Variants in STXBP4 observed in about 807,000 individuals in gnomAD.
The protein encoded by STXBP4 is syntaxin-binding protein 4.
STXBP4 carries 55 observed loss-of-function variants against 76.1 expected under a neutral mutation model. The ratio of observed to expected loss-of-function variants is 0.72; its 90% CI spans 0.58 to 0.91. The LOEUF is 0.91. Among genes scored for constraint, STXBP4 ranks in the 40% least tolerant of loss-of-function variants. The probability of loss-of-function intolerance (pLI) is 0.00; values close to 1 mark genes in which losing one functional copy is unlikely to be tolerated. For missense variants in STXBP4, 618 were observed against 636.9 expected (o/e 0.97, Z 0.32); for synonymous variants, 201 against 220.2 (o/e 0.91, Z 0.77).
chr17:54,972,136 A>C (rs773672071), intron 1 of STXBP4, among the ~76,000 whole-genome samples: 1 of 152,180 alleles, frequency 6.6e-6, no homozygotes, highest in Non-Finnish European at 1.5e-5. Context: ...CTGTTTCTTT[A>C]AGATTGGGTC....
At chr17:55,119,429 G>A (rs1315998145) in intron 16 of STXBP4, among the ~76,000 whole-genome samples, 1 of 151,982 alleles carries the variant, frequency 6.6e-6, no homozygotes, top group Non-Finnish European at 1.5e-5. Flanking sequence ...AAGTCTAGAA[G>A]GATTCTGCCC....
the STXBP4 span, among the ~76,000 whole-genome samples, chr17:55,201,479 G>A: frequency 4.6e-5 from 7 of 151,994 alleles, no homozygotes; most frequent in African/African-American, 1.7e-4. Context: ...GAAGAGCTAC[G>A]TTCCAAGATG....
At chr17:55,145,157 A>G (rs191117599) in intron 17 of STXBP4, among the ~76,000 whole-genome samples, 1 of 152,296 alleles carries the variant, frequency 6.6e-6, no homozygotes, top group Admixed American at 6.5e-5. Flanking sequence ...CTTTTTTGGA[A>G]CTATTTCGTT....
At chr17:54,980,258 T>G (rs1031006449) in intron 1 of STXBP4, among the ~76,000 whole-genome samples, 3 of 152,290 alleles carry the variant, frequency 2.0e-5, no homozygotes, top group Admixed American at 2.0e-4. Context: ...TCCCAAAATA[T>G]TTTTTGTTAT....
chr17:55,204,889 C>G, the STXBP4 span, among the ~76,000 whole-genome samples: 1 of 151,622 alleles, frequency 6.6e-6, no homozygotes, highest in African/African-American at 2.4e-5. Flanking sequence ...GAGCTACATA[C>G]ACATATACAT....
chr17:55,067,499 G>A (rs991394927), intron 12 of STXBP4, among the ~76,000 whole-genome samples: 2 of 152,138 alleles, frequency 1.3e-5, no homozygotes, highest in African/African-American at 4.8e-5. Flanking sequence ...AATGTGGTAA[G>A]TTAATGTACT....
At chr17:55,023,311 G>A (rs1567723716) in intron 8 of STXBP4, among the ~76,000 whole-genome samples, 1 of 152,216 alleles carries the variant, frequency 6.6e-6, no homozygotes, top group Non-Finnish European at 1.5e-5. Flanking sequence ...GTGGGAACCA[G>A]AAGTGTTTGA....
intron 17 of STXBP4, among the ~76,000 whole-genome samples, chr17:55,152,030 A>G (rs1240676326): frequency 2.0e-5 from 3 of 152,208 alleles, no homozygotes; most frequent in Non-Finnish European, 4.4e-5. Context: ...TTTAATAATG[A>G]TCAATTTATT....
intron 16 of STXBP4, among the ~76,000 whole-genome samples, chr17:55,120,349 G>A (rs1456080982): frequency 6.6e-6 from 1 of 152,152 alleles, no homozygotes; most frequent in Non-Finnish European, 1.5e-5. Context: ...ACAAATGTTG[G>A]ATAACCAAAT....
Position 55,078,130 on chromosome 17 carries a change from G to A in STXBP4, c.1241G>A (p.Arg414Gln), listed in dbSNP as rs549004159. The change falls in exon 14 of 18, where the codon CGA becomes CAA. Residue 414 changes from arginine to glutamine, a missense_variant. Coordinates refer to ENST00000376352, the MANE Select transcript of STXBP4 (RefSeq NM_178509.6). The part of the protein sequence containing the change: ...KRIMVLDCQL[R>Q]KSEMARKTFE... ...ATCATGGTACTCGACTGCCAATTAC[G>A]AAAATCAGAAATGGCTCGAAAAACT... 2.5e-5 allele frequency: 41 copies of A among 1,612,302 alleles called. No homozygotes were observed. The highest frequency in any genetic ancestry group is 6.7e-5 in the African/African-American group (5 of 74,912).
intron 10 of STXBP4, among the ~76,000 whole-genome samples, chr17:55,038,743 T>TTTTTTTTTTTTTTTTTTTTTTTTTTTG (rs2078646361): frequency 6.6e-6 from 1 of 151,922 alleles, no homozygotes; most frequent in African/African-American, 2.4e-5. Context: ...AGTATGATTT[T>TTTTTTTTTTTTTTTTTTTTTTTTTTTG]ACCAGACTAA....
chr17:55,045,455 C>G (rs17818160), intron 11 of STXBP4, among the ~76,000 whole-genome samples: 31,320 of 151,976 alleles, frequency 0.21, 3,430 homozygotes, highest in Middle Eastern at 0.34. Flanking sequence ...TTCAGAGGCT[C>G]TCAGATCTTT....
rs567617480 is a variant in STXBP4, at chr17:55,156,478, T to A, written c.1548-3319T>A. Reference sequence around the variant, plus strand: ...TCATAGGAAGAATTCCAAATTTTTCTTACAATAATCAGAAATCCCTAATTA... The same window carrying A: ...TCATAGGAAGAATTCCAAATTTTTCATACAATAATCAGAAATCCCTAATTA... On this transcript the variant is annotated intron_variant, in intron 17 of 17. Transcript: ENST00000376352. Among the ~76,000 whole-genome samples, 11 of 152,334 alleles carry A rather than the reference T, an allele frequency of 7.2e-5. 1 individual carries two copies. In the East Asian group the frequency reaches 2.1e-3, roughly 29 times the overall value.
At chr17:55,112,796 AG>A (rs1341551725) in intron 16 of STXBP4, among the ~76,000 whole-genome samples, 2 of 152,110 alleles carry the variant, frequency 1.3e-5, no homozygotes, top group Non-Finnish European at 2.9e-5. Context: ...AGTTCAGAGG[AG>A]GAAGAGGGGC....
At chr17:54,983,378 A>G (rs1412235464) in intron 1 of STXBP4, among the ~76,000 whole-genome samples, 2 of 152,232 alleles carry the variant, frequency 1.3e-5, no homozygotes, top group East Asian at 1.9e-4. Context: ...TTAGGCTTGA[A>G]TATGTTCCCA....
intron 16 of STXBP4, among the ~76,000 whole-genome samples, chr17:55,121,756 A>G (rs2079846039): frequency 1.3e-5 from 2 of 152,058 alleles, no homozygotes; most frequent in African/African-American, 2.4e-5. Context: ...TCAATGAGTT[A>G]TAAAGTAAAG....
At chr17:55,129,957 A>G (rs912287065) in intron 16 of STXBP4, among the ~76,000 whole-genome samples, 3 of 152,186 alleles carry the variant, frequency 2.0e-5, no homozygotes. Context: ...TGAATCTCGA[A>G]ATCAGAGACA....
At chr17:54,974,653 A>C (rs2077443564) in intron 1 of STXBP4, among the ~76,000 whole-genome samples, 1 of 152,230 alleles carries the variant, frequency 6.6e-6, no homozygotes, top group African/African-American at 2.4e-5. Context: ...CAAGCCCCCA[A>C]ATTGGGGCTT....
At chr17:54,994,191 G>A (rs1013449999) in intron 4 of STXBP4, among the ~76,000 whole-genome samples, 2 of 152,078 alleles carry the variant, frequency 1.3e-5, no homozygotes, top group African/African-American at 2.4e-5. Flanking sequence ...GAGCTCCAAG[G>A]CCCTTTCACT....
Sources: gnomAD v4.1 joint callset for allele counts (sites outside exome capture counted in the v4.1 genomes callset) on GRCh38, gnomAD v4.1.1 for gene constraint, MANE v1.5 for transcripts, NCBI Gene and HGNC (gene_info 2026-07-23, HGNC 2026-07-21) for gene names.